The following ADAMTSL1 variants were observed in gnomAD, a reference collection of about 807,000 sequenced individuals.
ADAMTSL1 encodes ADAMTS like 1.
A neutral mutation model predicts 201.8 loss-of-function variants in ADAMTSL1; 126 were observed. The observed-to-expected ratio is 0.62, with a 90% CI of 0.54 to 0.72. The LOEUF is 0.72. Among genes scored for constraint, ADAMTSL1 ranks in the 30% least tolerant of loss-of-function variants. ADAMTSL1 has a pLI of 0.00. For synonymous variants in ADAMTSL1, 1,121 were observed against 903.4 expected, an observed-to-expected ratio of 1.24 and a Z score of -4.32; for missense variants, 2,679 against 2,277.8, an observed-to-expected ratio of 1.18 and a Z score of -3.59.
At chr9:18,309,556 A>C (rs1332116642) in intron 2 of ADAMTSL1, among the ~76,000 whole-genome samples, 1 of 152,188 alleles carries the variant, frequency 6.6e-6, no homozygotes, top group Non-Finnish European at 1.5e-5. Flanking sequence ...ACAAACAGAG[A>C]GCCAAATCAT....
At chr9:18,356,446 T>A (rs1354085884) in intron 2 of ADAMTSL1, among the ~76,000 whole-genome samples, 1 of 150,746 alleles carries the variant, frequency 6.6e-6, no homozygotes, top group Non-Finnish European at 1.5e-5. Flanking sequence ...GAAGGTCAAT[T>A]GAACCTAGAA....
At chr9:18,541,260 C>T (rs1856895) in intron 3 of ADAMTSL1, among the ~76,000 whole-genome samples, 47,986 of 152,014 alleles carry the variant, frequency 0.32, 7,809 homozygotes, top group Admixed American at 0.37. Context: ...CCTGTAATCC[C>T]GGCACTTTGG....
chr9:18,723,133 C>T, intron 15 of ADAMTSL1: 1 of 746,318 alleles, frequency 1.3e-6, no homozygotes. Flanking sequence ...GAGGTGTCTG[C>T]CCTTTATGTT....
chr9:17,985,832 A>G (rs1588525609), intron 1 of ADAMTSL1, among the ~76,000 whole-genome samples: 1 of 152,244 alleles, frequency 6.6e-6, no homozygotes. Flanking sequence ...TTTTGTTAGT[A>G]TGAATTGTAG....
upstream of ADAMTSL1, among the ~76,000 whole-genome samples, chr9:18,471,868 T>C (rs1821230202): frequency 1.3e-5 from 2 of 152,218 alleles, no homozygotes; most frequent in South Asian, 4.1e-4. Context: ...TGACTCAAAA[T>C]ACCTAGGCAG....
intron 23 of ADAMTSL1, among the ~76,000 whole-genome samples, chr9:18,853,790 A>G (rs1416882850): frequency 1.3e-5 from 2 of 152,112 alleles, no homozygotes; most frequent in Non-Finnish European, 2.9e-5. Flanking sequence ...TAATTTTTGC[A>G]AAAGCGATTT....
chr9:18,195,687 G>A (rs7027648), intron 2 of ADAMTSL1, among the ~76,000 whole-genome samples: 63,956 of 151,996 alleles, frequency 0.42, 13,751 homozygotes, highest in Admixed American at 0.52. Context: ...ATCCATCACT[G>A]TAAAGCAATT....
chr9:18,173,084 T>C (rs1029340117), intron 2 of ADAMTSL1, among the ~76,000 whole-genome samples: 3 of 152,164 alleles, frequency 2.0e-5, no homozygotes, highest in Non-Finnish European at 4.4e-5. Flanking sequence ...ATAAAATGTT[T>C]CTATTTGTTT....
intron 2 of ADAMTSL1, among the ~76,000 whole-genome samples, chr9:18,272,243 T>C (rs1587441235): frequency 6.6e-6 from 1 of 152,146 alleles, no homozygotes; most frequent in African/African-American, 2.4e-5. Context: ...AGCATGGTAC[T>C]GGTACCAAAA....
At chr9:18,511,362 T>C (rs114585704) in intron 2 of ADAMTSL1, among the ~76,000 whole-genome samples, 2,606 of 151,924 alleles carry the variant, frequency 0.017, 69 homozygotes, top group African/African-American at 0.059. Flanking sequence ...GTTTCATATC[T>C]ATCCAAATAG....
At position 18,574,083 on chromosome 9, in the gene ADAMTSL1, T is replaced by G; in HGVS notation, c.291T>G (p.Asn97Lys). The G allele has an allele frequency of 6.2e-7, 1 of 1,614,132 alleles. No individual in the cohort carries two copies. The highest frequency in any genetic ancestry group is 8.5e-7 in the Non-Finnish European group (1 of 1,180,010). The part of the protein sequence containing the change: ...DFRAQQCSAH[N>K]DVKHHGQFYE... ...GAGCTCAGCAATGCTCAGCTCATAA[T>G]GATGTCAAGCACCATGGCCAGTTTT... is the stretch of plus-strand genomic sequence containing the variant. Residue 97 changes from asparagine (N) to lysine (K), a missense_variant, in exon 4 of 29, where the codon AAT becomes AAG. By Grantham distance (94) the Asn-to-Lys change is moderately conservative. Transcript: ENST00000380548.
chr9:18,399,316 TA>T (rs982195314), intron 2 of ADAMTSL1, among the ~76,000 whole-genome samples: 2 of 122,766 alleles, frequency 1.6e-5, no homozygotes, highest in Non-Finnish European at 3.4e-5. Flanking sequence ...TATATATATA[TA>T]TATATATATA....
intron 2 of ADAMTSL1, among the ~76,000 whole-genome samples, chr9:18,425,708 A>G (rs1052847339): frequency 6.6e-6 from 1 of 151,722 alleles, no homozygotes. Flanking sequence ...TAAAAAAAAA[A>G]TAGCTGAGCA....
intron 1 of ADAMTSL1, among the ~76,000 whole-genome samples, chr9:18,066,741 T>A (rs1056057636): frequency 1.3e-5 from 2 of 152,310 alleles, no homozygotes; most frequent in African/African-American, 4.8e-5. Flanking sequence ...TCAACCCAAA[T>A]GTCCAACAAT....
intron 3 of ADAMTSL1, among the ~76,000 whole-genome samples, chr9:18,549,042 G>A (rs943618079): frequency 1.3e-5 from 2 of 151,918 alleles, no homozygotes; most frequent in African/African-American, 4.8e-5. Flanking sequence ...TCAAATAGGA[G>A]TGTTCAATGA....
chr9:18,854,051 G>C (rs1484577357), intron 23 of ADAMTSL1, among the ~76,000 whole-genome samples: 1 of 152,156 alleles, frequency 6.6e-6, no homozygotes, highest in Non-Finnish European at 1.5e-5. Flanking sequence ...ATCCTGCTAT[G>C]TTTTAGAAAA....
intron 1 of ADAMTSL1, among the ~76,000 whole-genome samples, chr9:17,975,532 C>T (rs1419492031): frequency 1.3e-5 from 2 of 152,018 alleles, no homozygotes; most frequent in Non-Finnish European, 2.9e-5. Flanking sequence ...AAAGGCCCCA[C>T]CTCTTCATAG....
At chr9:18,561,686 A>ACTTG (rs1231467218) in intron 3 of ADAMTSL1, among the ~76,000 whole-genome samples, 2 of 151,124 alleles carry the variant, frequency 1.3e-5, no homozygotes, top group Non-Finnish European at 3.0e-5. Flanking sequence ...GTCTCTAAGA[A>ACTTG]CTTTATGAAT....
In ADAMTSL1 at chr9:18,132,762, A is replaced by G. The variant is rs555807013; in HGVS notation, c.88-31100A>G. ...GGAGTACTGTAAGCTTCTCAGTCAC[A>G]TTTCACCCAAACACACAGTCCAATT... On this transcript the variant is annotated intron_variant, in intron 1 of 29. Transcript: ENST00000680146. Among the ~76,000 whole-genome samples, 5 of 152,088 alleles carry G rather than the reference A, an allele frequency of 3.3e-5. No homozygotes were observed. The South Asian group carries it at 8.3e-4, about 25-fold the overall frequency.
Sources: gnomAD v4.1 joint callset for allele counts (sites outside exome capture counted in the v4.1 genomes callset) on GRCh38, gnomAD v4.1.1 for gene constraint, MANE v1.5 for transcripts, NCBI Gene and HGNC (gene_info 2026-07-23, HGNC 2026-07-21) for gene names.